The following ZFX variants were observed in gnomAD, a reference collection of about 807,000 sequenced individuals.
ZFX encodes zinc finger protein X-linked, also known as zinc finger X-chromosomal protein.
For synonymous variants in ZFX, 196 were observed against 226.8 expected (o/e 0.86, Z 1.22); for missense variants, 362 against 628.3 (o/e 0.58, Z 4.53).
At position 24,212,936 on chromosome X, in the gene ZFX, C is replaced by T. The variant is rs1212823024; in HGVS notation, c.*1560C>T. The stretch of plus-strand genomic sequence containing the variant: ...CTTAAGACGGAGTCTTGCTCTGTTG[C>T]CCAGGCTGGACTGCAGTGGTGTGAT... On this transcript the variant is annotated 3_prime_UTR_variant, in exon 10 of 10. Coordinates refer to ENST00000304543, the MANE Select transcript of ZFX (RefSeq NM_003410.4). 9.1e-6 allele frequency: 1 copy of T among 109,535 alleles called. No individual in the cohort carries two copies. The highest frequency in any genetic ancestry group is 3.3e-5 in the African/African-American group (1 of 30,059). The allele number at this position is 109,535 out of a possible 1,213,427, so 9.0% of individuals were successfully genotyped here. A position where few individuals can be genotyped will look rare whatever the true frequency, so the allele number is the denominator to read the frequency against.
Position 24,215,173 on chromosome X carries a change from T to C in ZFX, c.*3797T>C, listed in dbSNP as rs995015661. 1.8e-5 allele frequency: 2 copies of C among 112,016 alleles called. No individual in the cohort carries two copies. Among genetic ancestry groups the C allele is most frequent in the Non-Finnish European group, 3.8e-5 (2 of 53,249 alleles). 9.2% of individuals were successfully genotyped at this position (112,016 alleles called of 1,213,427 possible). On this transcript the variant is annotated 3_prime_UTR_variant, in exon 10 of 10. Transcript: ENST00000304543. ...CCATACATAGCATGCTGAAAAACTTTTGTAATGGAACACCCAACAAATGAC... is the reference window on the plus strand; with the variant it reads ...CCATACATAGCATGCTGAAAAACTTCTGTAATGGAACACCCAACAAATGAC...
rs34714825 is a variant in ZFX, at chrX:24,158,803, ATT to A, written c.-29+5989_-29+5990del. Among the ~76,000 whole-genome samples the A allele has an allele frequency of 1.7e-3, 149 of 89,647 alleles. 1 individual carries two copies. Among genetic ancestry groups the A allele is most frequent in the African/African-American group, 3.5e-3 (87 of 24,510 alleles). The allele number at this position is 89,647 out of a possible 115,157, so 77.8% of individuals were successfully genotyped here. ...AGGCATGTGCCACCATGCCCGGCTA[ATT>A]TTTTTTTTTTTTTTTGTATTTTTAG... On this transcript the variant is annotated intron_variant, in intron 3 of 9. Transcript: ENST00000304543.
At chrX:24,205,201 C>T (rs774068167) in intron 5 of ZFX, among the ~76,000 whole-genome samples, 178 of 112,438 alleles carry the variant, frequency 1.6e-3, no homozygotes, top group African/African-American at 5.5e-3. Flanking sequence ...TCCTGCTCCC[C>T]TCTAGTTGGT....
At chrX:24,195,253 G>C (rs949436089) in intron 5 of ZFX, among the ~76,000 whole-genome samples, 12 of 110,567 alleles carry the variant, frequency 1.1e-4, no homozygotes, top group African/African-American at 4.0e-4. Context: ...GAGTGCAGTG[G>C]CGTGATCTTG....
At chrX:24,201,715 A>G (rs2147963802) in intron 5 of ZFX, among the ~76,000 whole-genome samples, 1 of 112,627 alleles carries the variant, frequency 8.9e-6, no homozygotes, top group South Asian at 3.6e-4. Flanking sequence ...AGCCGGGTAT[A>G]TCATAAAAAT....
chrX:24,206,500 C>T (rs1207700649), intron 5 of ZFX, among the ~76,000 whole-genome samples: 1 of 59,607 alleles, frequency 1.7e-5, no homozygotes, highest in Non-Finnish European at 3.0e-5. Flanking sequence ...CCATGCCTGG[C>T]GTGTGTGTGT....
In ZFX at chrX:24,151,698, C is replaced by G. The variant is rs748888570; in HGVS notation, c.-242C>G. On this transcript the variant is annotated 5_prime_UTR_variant, in exon 2 of 10. Transcript: ENST00000304543. ...TTTTTTATTTTGAGACAGGTTCTTG[C>G]TATATTGCCCCAGGCTGGTCTCGAA... 4 of 111,414 alleles carry G rather than the reference C, an allele frequency of 3.6e-5. No homozygotes were observed. The highest frequency in any genetic ancestry group is 1.3e-4 in the African/African-American group (4 of 30,647). 9.2% of individuals were successfully genotyped at this position (111,414 alleles called of 1,213,427 possible).
chrX:24,179,239 G>C lies in ZFX; in HGVS notation c.115G>C (p.Val39Leu), dbSNP rs763554468. The C allele has an allele frequency of 9.1e-6, 11 of 1,210,258 alleles. No individual in the cohort carries two copies. Among genetic ancestry groups the C allele is most frequent in the Admixed American group, 2.2e-5 (1 of 45,766 alleles). ...DQIVVEVQET[V>L]FVSDVVDSDI... ...AATTGTTGTGGAAGTACAAGAAACT[G>C]TTTTTGTTTCAGATGTTGTGGATTC... Residue 39 changes from valine (V) to leucine (L), a missense_variant, in exon 5 of 10, where the codon GTT becomes CTT. Coordinates refer to ENST00000304543, the MANE Select transcript of ZFX (RefSeq NM_003410.4).
intron 4 of ZFX, among the ~76,000 whole-genome samples, chrX:24,178,438 G>A (rs1461875829): frequency 1.5e-4 from 16 of 108,177 alleles, no homozygotes; most frequent in Admixed American, 9.9e-4. Flanking sequence ...ACAGGCGCTC[G>A]CCACCACACC....
At chrX:24,157,981 A>T (rs1932891104) in intron 3 of ZFX, among the ~76,000 whole-genome samples, 1 of 110,323 alleles carries the variant, frequency 9.1e-6, no homozygotes, top group Admixed American at 9.7e-5. Context: ...CTGTTCTCGA[A>T]CTCCTGAACC....
At chrX:24,170,718 C>T (rs1370788318) in intron 3 of ZFX, among the ~76,000 whole-genome samples, 1 of 101,672 alleles carries the variant, frequency 9.8e-6, no homozygotes. Context: ...TCAAGCGATT[C>T]TCCTGCCTCA....
chrX:24,161,473 C>G (rs1379663258), intron 3 of ZFX, among the ~76,000 whole-genome samples: 2 of 111,561 alleles, frequency 1.8e-5, no homozygotes, highest in Non-Finnish European at 3.8e-5. Flanking sequence ...AGACTTAACA[C>G]TAACATATAT....
chrX:24,157,652 T>C (rs1471536151), intron 3 of ZFX, among the ~76,000 whole-genome samples: 1 of 112,477 alleles, frequency 8.9e-6, no homozygotes, highest in Non-Finnish European at 1.9e-5. Flanking sequence ...TAAGAAGTGC[T>C]GCATCACCAA....
At chrX:24,181,601 C>T (rs778602566) in intron 5 of ZFX, among the ~76,000 whole-genome samples, 21 of 111,847 alleles carry the variant, frequency 1.9e-4, no homozygotes, top group Non-Finnish European at 3.6e-4. Context: ...TCTTTGTGTA[C>T]GTTCTATTTT....
intron 5 of ZFX, among the ~76,000 whole-genome samples, chrX:24,189,788 A>T (rs1022970077): frequency 1.8e-5 from 2 of 110,911 alleles, no homozygotes; most frequent in African/African-American, 3.3e-5. Context: ...AACACATCCT[A>T]ATAGTTTATT....
chrX:24,182,705 G>A (rs1935783302), intron 5 of ZFX, among the ~76,000 whole-genome samples: 1 of 111,557 alleles, frequency 9.0e-6, no homozygotes, highest in African/African-American at 3.3e-5. Context: ...AGAGGTGGGA[G>A]TATAGCTTTT....
intron 2 of ZFX, among the ~76,000 whole-genome samples, chrX:24,152,364 C>A (rs755716505): frequency 1.0e-3 from 112 of 111,106 alleles, no homozygotes; most frequent in African/African-American, 3.5e-3. Flanking sequence ...AACTCCTGAC[C>A]TCAAGTGATC....
chrX:24,200,047 C>T (rs1452330778), intron 5 of ZFX, among the ~76,000 whole-genome samples: 1 of 110,921 alleles, frequency 9.0e-6, no homozygotes, highest in Admixed American at 9.7e-5. Flanking sequence ...AGTGAAGGGC[C>T]TTCAGAAAGA....
At chrX:24,150,334 G>A (rs1318911256) in intron 1 of ZFX, among the ~76,000 whole-genome samples, 1 of 108,992 alleles carries the variant, frequency 9.2e-6, no homozygotes, top group Non-Finnish European at 1.9e-5. Flanking sequence ...TGGGAGAGCG[G>A]GCGGCGGCGG....
Sources: allele counts gnomAD v4.1 joint callset (sites outside exome capture counted in the v4.1 genomes callset), GRCh38; gene constraint gnomAD v4.1.1; transcripts MANE v1.5; gene names NCBI Gene and HGNC (gene_info 2026-07-23, HGNC 2026-07-21).